DAB1: variants seen among roughly 807,000 people sequenced by gnomAD.
DAB1 encodes disabled homolog 1.
Under a neutral mutation model 64.6 loss-of-function variants are expected in DAB1, and 15 were observed. The ratio of observed to expected loss-of-function variants is 0.23; its 90% CI spans 0.16 to 0.36. The LOEUF (loss-of-function observed/expected upper bound fraction) is 0.36. Ranked by LOEUF, DAB1 falls within the 10% of genes least tolerant of loss-of-function variation. DAB1 has a pLI of 1.00. For synonymous variants in DAB1, 235 were observed against 251.9 expected (o/e 0.93, Z 0.64); for missense variants, 596 against 706.7 (o/e 0.84, Z 1.78).
At chr1:57,146,337 A>T (rs1659130609) in intron 2 of DAB1, among the ~76,000 whole-genome samples, 1 of 152,208 alleles carries the variant, frequency 6.6e-6, no homozygotes, top group African/African-American at 2.4e-5. Context: ...TCATACTTTG[A>T]TTAGTCAGAG....
chr1:57,242,476 G>A (rs994662211), intron 2 of DAB1, among the ~76,000 whole-genome samples: 2 of 152,138 alleles, frequency 1.3e-5, no homozygotes, highest in East Asian at 3.9e-4. Flanking sequence ...ATCATAACAC[G>A]TGGTCGATTA....
intron 2 of DAB1, among the ~76,000 whole-genome samples, chr1:57,194,861 T>TCAGA (rs1302305439): frequency 6.6e-6 from 1 of 152,128 alleles, no homozygotes; most frequent in African/African-American, 2.4e-5. Context: ...GCCACAGCAA[T>TCAGA]CAGACACGAG....
intron 1 of DAB1, among the ~76,000 whole-genome samples, chr1:57,378,110 G>A (rs1328296424): frequency 6.6e-6 from 1 of 152,136 alleles, no homozygotes; most frequent in Non-Finnish European, 1.5e-5. Flanking sequence ...GAATCATATG[G>A]GTCAGTTTCT....
rs534371498 is a variant in DAB1, at chr1:57,952,171, G to A, written n.388-68009C>T. Among the ~76,000 whole-genome samples the A allele has an allele frequency of 6.6e-5, 10 of 151,970 alleles. No individual in the cohort carries two copies. In the South Asian group the frequency reaches 2.1e-3, roughly 32 times the overall value. ...CACATGAATAAGTTCTGAACAATAG[G>A]ATGTGACAAGAAGCACTGTTGTGGA... On this transcript the variant is annotated intron_variant and non_coding_transcript_variant, in intron 5 of 20. Coordinates refer to the DAB1 transcript ENST00000485760.
At chr1:58,149,767 C>A (rs564937639) in intron 5 of DAB1, among the ~76,000 whole-genome samples, 1 of 152,322 alleles carries the variant, frequency 6.6e-6, no homozygotes, top group East Asian at 1.9e-4. Flanking sequence ...CCCCTATCCA[C>A]CCCACTCACA....
At chr1:57,266,551 G>T (rs943459615) in intron 2 of DAB1, among the ~76,000 whole-genome samples, 34 of 152,148 alleles carry the variant, frequency 2.2e-4, no homozygotes, top group Middle Eastern at 3.4e-3. Flanking sequence ...TTTAATCCCT[G>T]GCAAATACCT....
intron 1 of DAB1, among the ~76,000 whole-genome samples, chr1:57,354,351 T>G (rs1356855030): frequency 6.6e-6 from 1 of 152,140 alleles, no homozygotes; most frequent in Non-Finnish European, 1.5e-5. Flanking sequence ...CTTTTGGACC[T>G]TAGATCACTT....
intron 4 of DAB1, among the ~76,000 whole-genome samples, chr1:58,199,459 A>G (rs1657880196): frequency 6.6e-6 from 1 of 152,198 alleles, no homozygotes; most frequent in South Asian, 2.1e-4. Flanking sequence ...AACCATGGGC[A>G]AATTACTTAA....
intron 5 of DAB1, among the ~76,000 whole-genome samples, chr1:58,124,528 G>A (rs1652946686): frequency 6.6e-6 from 1 of 152,064 alleles, no homozygotes; most frequent in Non-Finnish European, 1.5e-5. Flanking sequence ...ATAATATTTT[G>A]ATATCTGCTT....
intron 3 of DAB1, among the ~76,000 whole-genome samples, chr1:58,414,535 AG>A (rs1175601263): frequency 1.1e-4 from 17 of 152,358 alleles, no homozygotes; most frequent in Admixed American, 4.6e-4. Context: ...ACATACAGTA[AG>A]TGTTTCATGT....
chr1:57,051,004 A>G (rs1257578637), intron 9 of DAB1, among the ~76,000 whole-genome samples: 1 of 152,234 alleles, frequency 6.6e-6, no homozygotes, highest in Non-Finnish European at 1.5e-5. Context: ...ATGTTCATCC[A>G]CACCTATCAA....
At chr1:58,361,748 A>G (rs371100288) in intron 3 of DAB1, among the ~76,000 whole-genome samples, 104 of 152,170 alleles carry the variant, frequency 6.8e-4, no homozygotes, top group African/African-American at 2.4e-3. Flanking sequence ...CACTAATAAA[A>G]CAGGAGAACC....
intron 2 of DAB1, among the ~76,000 whole-genome samples, chr1:57,219,578 C>T (rs1000771027): frequency 2.0e-5 from 3 of 152,142 alleles, no homozygotes; most frequent in Non-Finnish European, 2.9e-5. Flanking sequence ...TGGATGGTCA[C>T]CTCCAGGATT....
chr1:57,724,737 G>A (rs115478331), intron 6 of DAB1, among the ~76,000 whole-genome samples: 4 of 152,240 alleles, frequency 2.6e-5, no homozygotes, highest in African/African-American at 7.2e-5. Flanking sequence ...ATGCAGCCCA[G>A]CCTCCTGCTG....
intron 1 of DAB1, among the ~76,000 whole-genome samples, chr1:58,539,959 G>A (rs1646579120): frequency 6.6e-6 from 1 of 152,102 alleles, no homozygotes; most frequent in Admixed American, 6.6e-5. Context: ...CTAGAGTTCT[G>A]CAGAGAATCC....
At position 56,996,392 on chromosome 1, in the gene DAB1, T is replaced by G. The variant is rs1471582683; in HGVS notation, c.*1752A>C. ...ACATCAGGAAAACACACTTGACCTG[T>G]ATAACAATTCTCTGTAGGGCAAAAA... On this transcript the variant is annotated 3_prime_UTR_variant, in exon 15 of 15. Transcript: ENST00000371236. 1 of 152,216 alleles carries G rather than the reference T, an allele frequency of 6.6e-6. No individual in the cohort carries two copies. Among genetic ancestry groups the G allele is most frequent in the Non-Finnish European group, 1.5e-5 (1 of 68,042 alleles). 9.4% of individuals were successfully genotyped at this position (152,216 alleles called of 1,614,324 possible).
intron 5 of DAB1, among the ~76,000 whole-genome samples, chr1:57,961,325 T>C (rs72922509): frequency 6.6e-6 from 1 of 152,202 alleles, no homozygotes; most frequent in Admixed American, 6.5e-5. Flanking sequence ...TATATGTGTA[T>C]ATCGTACTGT....
intron 4 of DAB1, among the ~76,000 whole-genome samples, chr1:57,087,407 C>A (rs1437400001): frequency 2.0e-5 from 3 of 152,326 alleles, no homozygotes; most frequent in African/African-American, 7.2e-5. Flanking sequence ...AATAAGGAGT[C>A]ACCAAGGGAG....
At chr1:57,417,744 T>C (rs1372879173) in intron 1 of DAB1, among the ~76,000 whole-genome samples, 1 of 152,216 alleles carries the variant, frequency 6.6e-6, no homozygotes, top group Non-Finnish European at 1.5e-5. Flanking sequence ...TAGTGTTTCC[T>C]GGGACACAGT....
Sources: gnomAD v4.1 joint callset for allele counts (sites outside exome capture counted in the v4.1 genomes callset) on GRCh38, gnomAD v4.1.1 for gene constraint, MANE v1.5 for transcripts, NCBI Gene and HGNC (gene_info 2026-07-23, HGNC 2026-07-21) for gene names.